RFC1: variants seen among roughly 807,000 people sequenced by gnomAD.
The protein encoded by RFC1 is A1 140 kDa subunit.
A neutral mutation model predicts 137.4 loss-of-function variants in RFC1; 37 were observed. That is an observed-to-expected ratio of 0.27 (90% CI 0.21 to 0.35). The LOEUF is 0.35. RFC1 is among the 10% of genes least tolerant of loss of function. The pLI is 1.00. For missense variants in RFC1, 1,205 were observed against 1,358.5 expected (o/e 0.89, Z 1.78); for synonymous variants, 429 against 455.7 (o/e 0.94, Z 0.75).
chr4:39,351,274 A>C (rs1330500446), intron 2 of RFC1, 74 bp downstream of exon 2: 16 of 644,204 alleles, frequency 2.5e-5, no homozygotes, highest in African/African-American at 7.5e-5. Flanking sequence ...AAAAAAAAAA[A>C]AAAAAAAAAA....
At chr4:39,362,250 A>G (rs1258381587) in intron 1 of RFC1, among the ~76,000 whole-genome samples, 2 of 152,204 alleles carry the variant, frequency 1.3e-5, no homozygotes, top group Non-Finnish European at 2.9e-5. Flanking sequence ...ATTGACCTAC[A>G]GATTCAATAA....
intron 1 of RFC1, among the ~76,000 whole-genome samples, chr4:39,351,853 C>G (rs1348883763): frequency 6.6e-6 from 1 of 151,162 alleles, no homozygotes; most frequent in East Asian, 1.9e-4. Flanking sequence ...ATTCCAGCTA[C>G]TTGGGAGTCT....
At position 39,302,873 on chromosome 4, in the gene RFC1, TC is replaced by T. The variant is rs769562903; in HGVS notation, c.2203del (p.Glu735AsnfsTer2). ...AGTATGTTTTATCAGGCCAATTAAT[TC>T]CTGAAAGGCAAGTTTGCAACACAAA... The part of the protein sequence containing the change: ...AGNEDRGGIQ[E>X]LIGLIKHTKI... On this transcript the variant is annotated frameshift_variant and splice_region_variant, in exon 17 of 25. Coordinates refer to ENST00000349703, the MANE Select transcript of RFC1 (RefSeq NM_002913.5). LOFTEE classifies it high-confidence loss of function. 6.3e-7 allele frequency: 1 copy of T among 1,576,312 alleles called. No individual in the cohort carries two copies. Among genetic ancestry groups the T allele is most frequent in the Non-Finnish European group, 8.6e-7 (1 of 1,163,642 alleles).
At chr4:39,333,420 A>C (rs1740200175) in intron 4 of RFC1, among the ~76,000 whole-genome samples, 4 of 152,200 alleles carry the variant, frequency 2.6e-5, no homozygotes, top group Admixed American at 2.6e-4. Context: ...ATTTGCATAT[A>C]AATTTAGTCT....
chr4:39,292,654 ATTT>A (rs1304197839), intron 22 of RFC1, among the ~76,000 whole-genome samples: 1 of 151,146 alleles, frequency 6.6e-6, no homozygotes, highest in East Asian at 1.9e-4. Context: ...TTATTTATTT[ATTT>A]AAAGACGAAG....
intron 24 of RFC1, chr4:39,289,631 A>T (rs182095623): frequency 1.6e-5 from 8 of 506,962 alleles, no homozygotes; most frequent in African/African-American, 1.3e-4. Flanking sequence ...GGCCGTCAAT[A>T]TCATGGCCTG....
chr4:39,336,297 T>A (rs1202159817), intron 4 of RFC1, among the ~76,000 whole-genome samples: 1 of 140,002 alleles, frequency 7.1e-6, no homozygotes, highest in Non-Finnish European at 1.5e-5. Context: ...AATGAAGTCC[T>A]AATTGTCAAA....
chr4:39,322,913 CT>C (rs1398120625), intron 7 of RFC1, among the ~76,000 whole-genome samples: 3 of 151,848 alleles, frequency 2.0e-5, no homozygotes, highest in Admixed American at 6.6e-5. Context: ...ACAAAACCCC[CT>C]CTCTACAAAA....
Position 39,354,754 on chromosome 4 carries a change from A to G in RFC1, c.4-3278T>C, listed in dbSNP as rs199642479. ...ACAACATAGTGAAACTATCTCAAAA[A>G]AAAAAAAAAAAAAAAAAAAGCAACT... On this transcript the variant is annotated intron_variant, in intron 1 of 24. Transcript: ENST00000349703. Among the ~76,000 whole-genome samples the G allele has an allele frequency of 4.9e-4, 72 of 148,248 alleles. No individual in the cohort carries two copies. The East Asian group carries it at 0.011, about 23-fold the overall frequency.
chr4:39,351,161 G>A (rs1456665257), intron 2 of RFC1, among the ~76,000 whole-genome samples, 187 bp downstream of exon 2: 1 of 146,832 alleles, frequency 6.8e-6, no homozygotes, highest in Admixed American at 7.1e-5. Context: ...TGAGGCAGGA[G>A]AATGGCATGA....
At chr4:39,317,159 CA>C in intron 9 of RFC1, 137 bp from the exon 10 acceptor site, 2 of 585,138 alleles carry the variant, frequency 3.4e-6, no homozygotes, top group South Asian at 2.0e-5. Flanking sequence ...TTTAGCTACA[CA>C]AGTACTTCCT....
intron 1 of RFC1, among the ~76,000 whole-genome samples, chr4:39,361,409 TA>T (rs1217383450): frequency 6.6e-6 from 1 of 152,056 alleles, no homozygotes; most frequent in Non-Finnish European, 1.5e-5. Flanking sequence ...AATCAATCAA[TA>T]AAATATTTAA....
At chr4:39,351,225 T>C (rs1741174988) in intron 2 of RFC1, 123 bp downstream of exon 2, 1 of 566,418 alleles carries the variant, frequency 1.8e-6, no homozygotes, top group Non-Finnish European at 2.4e-6. Flanking sequence ...CACTACAGCC[T>C]GGGCGACAGA....
intron 13 of RFC1, chr4:39,307,435 G>C (rs1178925676): frequency 6.5e-6 from 1 of 152,768 alleles, no homozygotes; most frequent in Non-Finnish European, 1.5e-5. Flanking sequence ...CAGTCTTCTT[G>C]GCTGGGTGCG....
intron 10 of RFC1, 81 bp from the exon 11 acceptor site, chr4:39,313,012 G>C: frequency 1.7e-6 from 2 of 1,201,966 alleles, no homozygotes; most frequent in Non-Finnish European, 2.3e-6. Context: ...ACTGCAGGAA[G>C]TTGATTTTTC....
At chr4:39,302,905 T>G in intron 16 of RFC1, 31 bp from the exon 17 acceptor site, 1 of 1,563,470 alleles carries the variant, frequency 6.4e-7, no homozygotes, top group African/African-American at 1.4e-5. Flanking sequence ...ACAAAAATAA[T>G]TATTTTAAAA....
At chr4:39,290,882 T>G (rs10029074) in intron 23 of RFC1, among the ~76,000 whole-genome samples, 77,085 of 151,232 alleles carry the variant, frequency 0.51, 21,277 homozygotes, top group African/African-American at 0.73. Context: ...CACAAAACAC[T>G]AGATACCTTT....
At chr4:39,324,850 A>G (rs1436101088) in intron 6 of RFC1, among the ~76,000 whole-genome samples, 1 of 152,204 alleles carries the variant, frequency 6.6e-6, no homozygotes, top group East Asian at 1.9e-4. Flanking sequence ...TTTCTAATAT[A>G]GTTGAGGTAG....
In RFC1 at chr4:39,287,788, C is replaced by T. The variant is rs1399722229; in HGVS notation, c.*973G>A. 2.0e-5 allele frequency: 3 copies of T among 152,222 alleles called. No individual in the cohort carries two copies. The South Asian group carries it at 6.2e-4, about 32-fold the overall frequency. The allele number at this position is 152,222 out of a possible 1,614,324, so 9.4% of individuals were successfully genotyped here. ...CCAACAGGGTTTGTGGAAGCCATCA[C>T]AGGACAGGACTAGATCTCTCAGGGG... On this transcript the variant is annotated 3_prime_UTR_variant, in exon 25 of 25. Transcript: ENST00000349703.
Sources: allele counts gnomAD v4.1 joint callset (sites outside exome capture counted in the v4.1 genomes callset), GRCh38; gene constraint gnomAD v4.1.1; transcripts MANE v1.5; gene names NCBI Gene and HGNC (gene_info 2026-07-23, HGNC 2026-07-21).